CFD: variants seen among roughly 807,000 people sequenced by gnomAD.
CFD encodes complement factor D.
In CFD, 24 loss-of-function variants were observed where a neutral mutation model predicts 21.1. The observed-to-expected ratio is 1.14, with a 90% CI of 0.82 to 1.60. The LOEUF (loss-of-function observed/expected upper bound fraction) is 1.60. Among genes scored for constraint, CFD ranks in the 40% most tolerant of loss-of-function variants. CFD has a pLI of 0.00. For synonymous variants in CFD, 242 were observed against 175.9 expected (o/e 1.38, Z -2.97); for missense variants, 535 against 383.3 (o/e 1.40, Z -3.31).
At chr19:861,555 C>A (rs936481037) in intron 3 of CFD, 144 bp from the exon 4 acceptor site, 2 of 878,306 alleles carry the variant, frequency 2.3e-6, no homozygotes, top group African/African-American at 1.7e-5. Flanking sequence ...CACCCAGGGT[C>A]TAGCCTAAAT....
rs966871678 is a variant in CFD, at chr19:861,899, C to T, written c.558C>T (p.Asp186=). 1.3e-6 allele frequency: 2 copies of T among 1,581,298 alleles called. No homozygotes were observed. Among genetic ancestry groups the T allele is most frequent in the African/African-American group, 1.3e-5 (1 of 74,468 alleles). ...CCTGCAACCGGCGCACGCACCACGA[C>T]GGCGCCATCACCGAGCGCTTGATGT... is the stretch of plus-strand genomic sequence containing the variant. ...RATCNRRTHH[D]GAITERLMCA... is the part of the protein sequence containing the mutation. The change falls in exon 4 of 5, where the codon GAC becomes GAT. Residue 186 remains aspartate (D), a synonymous_variant. Coordinates refer to ENST00000327726, the MANE Select transcript of CFD (RefSeq NM_001928.4).
chr19:859,948 CAG>C (rs1306535472), intron 1 of CFD, among the ~76,000 whole-genome samples: 1 of 152,194 alleles, frequency 6.6e-6, no homozygotes, highest in Non-Finnish European at 1.5e-5. Context: ...TTCTTGCAGA[CAG>C]AGTCTGAACG....
chr19:859,703 A>T lies in CFD; in HGVS notation c.14A>T (p.Glu5Val). 1.9e-6 allele frequency: 3 copies of T among 1,572,250 alleles called. No individual in the cohort carries two copies. The highest frequency in any genetic ancestry group is 2.6e-6 in the Non-Finnish European group (3 of 1,159,244). The change falls in exon 1 of 5, where the codon GAG (glutamate) becomes GTG (valine). Residue 5 changes from glutamate (E) to valine (V), a missense_variant. Glu to Val is a moderately radical substitution (Grantham distance 121). Coordinates refer to ENST00000327726, the MANE Select transcript of CFD (RefSeq NM_001928.4). MHSWERLAVLVLLGA... is the reference protein window; with the variant it reads MHSWVRLAVLVLLGA... Reference sequence around the variant, plus strand: ...AGCGGCTTCACCATGCACAGCTGGGAGCGCCTGGCAGTTCTGGTCCTCCTA... The same window carrying T: ...AGCGGCTTCACCATGCACAGCTGGGTGCGCCTGGCAGTTCTGGTCCTCCTA...
chr19:861,063 C>A, intron 3 of CFD, 58 bp downstream of exon 3: 1 of 1,552,904 alleles, frequency 6.4e-7, no homozygotes, highest in Non-Finnish European at 8.7e-7. Flanking sequence ...CCCACCCTCA[C>A]TCCACCCCGC....
At position 860,636 on chromosome 19, in the gene CFD, G is replaced by T. The variant is rs1279328101; in HGVS notation, c.75G>T (p.Arg25=). 2.7e-6 allele frequency: 4 copies of T among 1,479,736 alleles called. No homozygotes were observed. In the Admixed American group the frequency reaches 9.3e-5, roughly 35 times the overall value. 91.7% of individuals were successfully genotyped at this position (1,479,736 alleles called of 1,614,324 possible). ...AAACAAPPRG[R]ILGGREAEAH... is the part of the protein sequence containing the mutation. ...CCACAGCGGCGCCGCCCCGTGGTCG[G>T]ATCCTGGGCGGCAGAGAGGCCGAGG... The change falls in exon 2 of 5, where the codon CGG becomes CGT. Residue 25 remains arginine (R), a synonymous_variant. Coordinates refer to ENST00000327726, the MANE Select transcript of CFD (RefSeq NM_001928.4).
In CFD at chr19:863,372, T is replaced by C. The variant is rs991823576; in HGVS notation, c.*134T>C. On this transcript the variant is annotated 3_prime_UTR_variant, in exon 5 of 5. Transcript: ENST00000327726. The stretch of plus-strand genomic sequence containing the variant: ...AGGGGAGGCCGAGGTGGGAGGATCA[T>C]TGGATCTCAGGAGTTCGAGATCAGC... The C allele has an allele frequency of 3.7e-6, 4 of 1,090,356 alleles. No individual in the cohort carries two copies. Among genetic ancestry groups the C allele is most frequent in the Admixed American group, 4.0e-5 (2 of 49,696 alleles). 67.5% of individuals were successfully genotyped at this position (1,090,356 alleles called of 1,614,324 possible).
chr19:860,798 A>T (rs2035778072), intron 2 of CFD, 25 bp downstream of exon 2: 1 of 1,558,230 alleles, frequency 6.4e-7, no homozygotes, highest in Admixed American at 1.9e-5. Context: ...CGCGCGGGGG[A>T]AGAGCCCGGG....
chr19:860,166 C>T (rs1034141635), intron 1 of CFD, among the ~76,000 whole-genome samples: 3 of 151,852 alleles, frequency 2.0e-5, no homozygotes, highest in Admixed American at 2.0e-4. Context: ...TGAGGGGCCC[C>T]AAGACGGAAA....
chr19:861,983 G>T (rs1306533846), intron 4 of CFD, 27 bp downstream of exon 4: 2 of 1,531,372 alleles, frequency 1.3e-6, no homozygotes, highest in African/African-American at 1.4e-5. Flanking sequence ...GGGAGGAGAC[G>T]CGGGGCCTGC....
intron 1 of CFD, 57 bp downstream of exon 1, chr19:859,801 C>A: frequency 2.9e-6 from 4 of 1,371,442 alleles, no homozygotes; most frequent in East Asian, 2.5e-5. Context: ...GTGGTGCTCC[C>A]TTCCGTCACA....
chr19:862,149 G>A (rs1274428693), intron 4 of CFD, among the ~76,000 whole-genome samples, 193 bp downstream of exon 4: 1 of 144,904 alleles, frequency 6.9e-6, no homozygotes, highest in African/African-American at 2.6e-5. Flanking sequence ...GGCGGGGCAT[G>A]TGGGTAGGGT....
Position 863,306 on chromosome 19 carries a change from T to C in CFD, c.*68T>C. Reference sequence around the variant, plus strand: ...CCCGAGCAATGAAGTCATCCACTCCTGCATCTGGTTGGTCTTTATTGAGCA... The same window carrying C: ...CCCGAGCAATGAAGTCATCCACTCCCGCATCTGGTTGGTCTTTATTGAGCA... On this transcript the variant is annotated 3_prime_UTR_variant, in exon 5 of 5. Transcript: ENST00000327726. 3 of 1,521,416 alleles carry C rather than the reference T, an allele frequency of 2.0e-6. No individual in the cohort carries two copies. The South Asian group carries it at 3.6e-5, about 18-fold the overall frequency. The allele number at this position is 1,521,416 out of a possible 1,614,324, so 94.2% of individuals were successfully genotyped here.
chr19:862,035 G>A, intron 4 of CFD, 79 bp downstream of exon 4: 3 of 1,490,172 alleles, frequency 2.0e-6, no homozygotes, highest in Non-Finnish European at 2.7e-6. Context: ...GAAGCGGGGG[G>A]CAAGTAGGAA....
Position 863,144 on chromosome 19 carries a change from C to T in CFD, c.668C>T (p.Thr223Ile), listed in dbSNP as rs981361195. The T allele has an allele frequency of 6.5e-7, 1 of 1,535,652 alleles. No individual in the cohort carries two copies. Among genetic ancestry groups the T allele is most frequent in the Non-Finnish European group, 8.7e-7 (1 of 1,146,074 alleles). ...GGGGGCGTGCTCGAGGGCGTGGTCA[C>T]CTCGGGCTCGCGCGTTTGCGGCAAC... The part of the protein sequence containing the change: ...VCGGVLEGVV[T>I]SGSRVCGNRK... Residue 223 changes from threonine to isoleucine, a missense_variant, in exon 5 of 5, where the codon ACC becomes ATC. Coordinates refer to ENST00000327726, the MANE Select transcript of CFD (RefSeq NM_001928.4).
At chr19:862,078 G>A in intron 4 of CFD, 122 bp downstream of exon 4, 3 of 1,392,282 alleles carry the variant, frequency 2.2e-6, no homozygotes, top group South Asian at 2.9e-5. Flanking sequence ...GCGCGTAGGG[G>A]GCGGGAACTG....
rs958262314 is a variant in CFD, at chr19:863,119, G to C, written c.643G>C (p.Gly215Arg). The C allele has an allele frequency of 3.9e-6, 6 of 1,531,386 alleles. No individual in the cohort carries two copies. Among genetic ancestry groups the C allele is most frequent in the South Asian group, 2.4e-5 (2 of 83,898 alleles). The allele number at this position is 1,531,386 out of a possible 1,614,324, so 94.9% of individuals were successfully genotyped here. ...KGDSGGPLVC[G>R]GVLEGVVTSG... is the part of the protein sequence containing the mutation. ...TGACTCCGGGGGCCCGCTGGTGTGC[G>C]GGGGCGTGCTCGAGGGCGTGGTCAC... Residue 215 changes from glycine (G) to arginine (R), a missense_variant, in exon 5 of 5, where the codon GGG becomes CGG. Transcript: ENST00000327726.
Position 860,861 on chromosome 19 carries a change from G to C in CFD, c.213G>C (p.Ala71=). ...ACCGCGGACTCCGTCCGGTCCCCAG[G>C]GCCGACGGGAAGGTGCAGGTTCTCC... is the stretch of plus-strand genomic sequence containing the variant. The part of the protein sequence containing the change: ...VLSAAHCLED[A]ADGKVQVLLG... Residue 71 remains alanine (A), a splice_region_variant and synonymous_variant, in exon 3 of 5, where the codon GCG becomes GCC. Transcript: ENST00000327726. The C allele has an allele frequency of 6.4e-7, 1 of 1,570,088 alleles. No homozygotes were observed. The highest frequency in any genetic ancestry group is 2.3e-5 in the East Asian group (1 of 42,650).
chr19:862,633 A>G (rs1228432711), intron 4 of CFD, among the ~76,000 whole-genome samples: 2 of 151,288 alleles, frequency 1.3e-5, no homozygotes, highest in East Asian at 3.9e-4. Context: ...GTTTAAGACC[A>G]GCCGAGGCTT....
intron 4 of CFD, among the ~76,000 whole-genome samples, chr19:862,839 G>T (rs1245514805): frequency 3.3e-5 from 5 of 151,864 alleles, no homozygotes; most frequent in African/African-American, 4.8e-5. Context: ...GGGTGGGGTC[G>T]GGGGAACACG....
Sources: allele counts gnomAD v4.1 joint callset (sites outside exome capture counted in the v4.1 genomes callset), GRCh38; gene constraint gnomAD v4.1.1; transcripts MANE v1.5; gene names NCBI Gene and HGNC (gene_info 2026-07-23, HGNC 2026-07-21).